Variants in CERS6 observed in about 807,000 individuals in gnomAD.
The protein encoded by CERS6 is ceramide synthase 6.
CERS6 carries 26 observed loss-of-function variants against 56.8 expected under a neutral mutation model. The observed-to-expected ratio is 0.46, with a 90% confidence interval of 0.34 to 0.63. The LOEUF (loss-of-function observed/expected upper bound fraction) is 0.63, where lower values mean the gene tolerates loss of function less well. Ranked by LOEUF, CERS6 falls within the 30% of genes least tolerant of loss-of-function variation. The pLI is 0.01. For missense variants in CERS6, 415 were observed against 467.5 expected, an observed-to-expected ratio of 0.89 and a Z score of 1.04; for synonymous variants, 164 against 173.3, an observed-to-expected ratio of 0.95 and a Z score of 0.42.
intron 8 of CERS6, among the ~76,000 whole-genome samples, chr2:168,747,598 G>A (rs1684144043): frequency 6.6e-6 from 1 of 152,056 alleles, no homozygotes; most frequent in Non-Finnish European, 1.5e-5. Context: ...TCAGCTACTT[G>A]TACCCTGACA....
intron 2 of CERS6, among the ~76,000 whole-genome samples, chr2:168,548,838 T>G (rs1397649631): frequency 6.6e-6 from 1 of 152,224 alleles, no homozygotes; most frequent in Non-Finnish European, 1.5e-5. Flanking sequence ...CCAGGTGTTT[T>G]TCATATCTCT....
chr2:168,575,598 T>G (rs988274248), intron 3 of CERS6, among the ~76,000 whole-genome samples: 1 of 152,172 alleles, frequency 6.6e-6, no homozygotes, highest in Non-Finnish European at 1.5e-5. Flanking sequence ...CCATATCACC[T>G]TGTAAGCACA....
intron 8 of CERS6, among the ~76,000 whole-genome samples, chr2:168,734,125 C>T (rs1683638291): frequency 6.6e-6 from 1 of 152,026 alleles, no homozygotes; most frequent in African/African-American, 2.4e-5. Context: ...GGGTTGGTGA[C>T]CTTCTAGTTC....
At chr2:168,484,398 C>G (rs1325323167) in intron 1 of CERS6, among the ~76,000 whole-genome samples, 1 of 151,642 alleles carries the variant, frequency 6.6e-6, no homozygotes, top group Non-Finnish European at 1.5e-5. Context: ...TCAGGCTGGT[C>G]TCGAACTCCC....
intron 1 of CERS6, among the ~76,000 whole-genome samples, chr2:168,543,021 T>C (rs896547548): frequency 1.3e-5 from 2 of 152,200 alleles, no homozygotes; most frequent in Non-Finnish European, 2.9e-5. Flanking sequence ...ACTATATCTC[T>C]CACCACACTA....
At chr2:168,631,510 A>G (rs1684718697) in intron 4 of CERS6, among the ~76,000 whole-genome samples, 2 of 123,470 alleles carry the variant, frequency 1.6e-5, no homozygotes, top group South Asian at 4.4e-4. Flanking sequence ...AATATAATAT[A>G]TATAAACTAT....
rs551557343 is a variant in CERS6, at chr2:168,774,528, T to C, written c.*4866T>C. 1 of 152,292 alleles carries C rather than the reference T, an allele frequency of 6.6e-6. No homozygotes were observed. The highest frequency in any genetic ancestry group is 1.9e-4 in the East Asian group (1 of 5,186). 9.4% of individuals were successfully genotyped at this position (152,292 alleles called of 1,614,324 possible). A position where few individuals can be genotyped will look rare whatever the true frequency, so the allele number is the denominator to read the frequency against. ...AACCAGGGAGCAGCAACTATTGAGATGGTTTCTGTGTTCAGTGAAAAATTC... is the reference window on the plus strand; with the variant it reads ...AACCAGGGAGCAGCAACTATTGAGACGGTTTCTGTGTTCAGTGAAAAATTC... On this transcript the variant is annotated 3_prime_UTR_variant, in exon 10 of 10. Coordinates refer to ENST00000305747, the MANE Select transcript of CERS6 (RefSeq NM_203463.3).
At chr2:168,664,923 G>A (rs752792448) in intron 4 of CERS6, among the ~76,000 whole-genome samples, 3 of 152,098 alleles carry the variant, frequency 2.0e-5, no homozygotes, top group East Asian at 1.9e-4. Context: ...TGGTTCACAC[G>A]CCTCTGACAG....
At chr2:168,692,046 G>GCA (rs1559054308) in intron 5 of CERS6, among the ~76,000 whole-genome samples, 3 of 152,134 alleles carry the variant, frequency 2.0e-5, no homozygotes, top group African/African-American at 7.2e-5. Context: ...TACTCCTTGA[G>GCA]CTAGTTCAAC....
chr2:168,472,488 T>C (rs1282746147), intron 1 of CERS6, among the ~76,000 whole-genome samples: 1 of 152,234 alleles, frequency 6.6e-6, no homozygotes, highest in Non-Finnish European at 1.5e-5. Flanking sequence ...TAGAACCTTC[T>C]TTCTTTGTGT....
rs72875985 is a variant in CERS6 at position 168,560,912 on chromosome 2, C to T, written c.277-280C>T. 9.0e-3 allele frequency among the ~76,000 whole-genome samples: 1,369 copies of T among 152,084 alleles called. 10 individuals carry two copies. Among genetic ancestry groups the T allele is most frequent in the Non-Finnish European group, 0.015 (1,052 of 68,002 alleles). On this transcript the variant is annotated intron_variant, in intron 2 of 9. Transcript: ENST00000305747. ...GGATGTTCCATTGAATCTTTGTTGC[C>T]CTTAGGGAAGCACATTGCTGATGAG...
At chr2:168,496,922 A>G (rs1694481785) in intron 1 of CERS6, among the ~76,000 whole-genome samples, 1 of 152,220 alleles carries the variant, frequency 6.6e-6, no homozygotes, top group African/African-American at 2.4e-5. Flanking sequence ...CATCACTGTC[A>G]ACATTGAAAA....
At position 168,478,331 on chromosome 2, in the gene CERS6, C is replaced by T. The variant is rs543842783; in HGVS notation, c.170+21713C>T. Among the ~76,000 whole-genome samples, 14 of 152,272 alleles carry T rather than the reference C, an allele frequency of 9.2e-5. No individual in the cohort carries two copies. In the South Asian group the frequency reaches 2.5e-3, roughly 27 times the overall value. ...CAACCTTCCCAGGAGTAAACCACCC[C>T]TCTCTGCTGGGGCTGGGGAGAGCAG... On this transcript the variant is annotated intron_variant, in intron 1 of 9. Coordinates refer to ENST00000305747, the MANE Select transcript of CERS6 (RefSeq NM_203463.3).
At chr2:168,724,151 G>T (rs1254016912) in intron 8 of CERS6, among the ~76,000 whole-genome samples, 1 of 152,028 alleles carries the variant, frequency 6.6e-6, no homozygotes, top group Non-Finnish European at 1.5e-5. Context: ...TCTTCCTTCT[G>T]GTGGGTTCGT....
At chr2:168,532,117 T>C (rs1043429047) in intron 1 of CERS6, among the ~76,000 whole-genome samples, 2 of 152,194 alleles carry the variant, frequency 1.3e-5, no homozygotes, top group African/African-American at 2.4e-5. Flanking sequence ...CTTTCTACTA[T>C]ATGATGCTAC....
intron 9 of CERS6, among the ~76,000 whole-genome samples, chr2:168,768,292 C>A (rs572567630): frequency 4.6e-4 from 69 of 151,514 alleles, no homozygotes; most frequent in Admixed American, 1.4e-3. Flanking sequence ...TGCAATGGCG[C>A]GATCTTGGCT....
At chr2:168,572,710 A>G (rs1869368) in intron 3 of CERS6, among the ~76,000 whole-genome samples, 128,680 of 152,032 alleles carry the variant, frequency 0.85, 55,121 homozygotes, top group South Asian at 0.97. Flanking sequence ...TCTCCTTGCC[A>G]CCCATATTGC....
chr2:168,491,101 G>A (rs755338924), intron 1 of CERS6, among the ~76,000 whole-genome samples: 2 of 152,164 alleles, frequency 1.3e-5, no homozygotes, highest in Non-Finnish European at 2.9e-5. Context: ...TTGTCTGCAG[G>A]CAGTTGACAG....
intron 6 of CERS6, among the ~76,000 whole-genome samples, chr2:168,709,147 A>G (rs1687028579): frequency 6.6e-6 from 1 of 152,080 alleles, no homozygotes; most frequent in Admixed American, 6.6e-5. Context: ...CCCCTAGAGA[A>G]CCGAATTAAC....
Sources: allele counts gnomAD v4.1 joint callset (sites outside exome capture counted in the v4.1 genomes callset), GRCh38; gene constraint gnomAD v4.1.1; transcripts MANE v1.5; gene names NCBI Gene and HGNC (gene_info 2026-07-23, HGNC 2026-07-21).